CAMKMT: variants seen among roughly 807,000 people sequenced by gnomAD.
CAMKMT encodes CaM KMT.
Under a neutral mutation model 48.0 loss-of-function variants are expected in CAMKMT, and 53 were observed. The observed-to-expected ratio is 1.10, with a 90% CI of 0.89 to 1.39. The LOEUF is 1.39. Among genes scored for constraint, CAMKMT ranks in the 40% most tolerant of loss-of-function variants. The probability of loss-of-function intolerance (pLI) is 0.00; values close to 1 mark genes in which losing one functional copy is unlikely to be tolerated. For synonymous variants in CAMKMT, 165 were observed against 152.3 expected (o/e 1.08, Z -0.61); for missense variants, 428 against 402.7 (o/e 1.06, Z -0.54).
intron 3 of CAMKMT, among the ~76,000 whole-genome samples, chr2:44,583,477 T>TAAAACTC (rs1247216548): frequency 6.6e-6 from 1 of 152,108 alleles, no homozygotes; most frequent in Non-Finnish European, 1.5e-5. Context: ...AATCAACACT[T>TAAAACTC]AAAACTCAAT....
intron 3 of CAMKMT, among the ~76,000 whole-genome samples, chr2:44,632,562 T>C (rs1463349937): frequency 4.6e-5 from 7 of 152,198 alleles, no homozygotes; most frequent in Admixed American, 4.6e-4. Flanking sequence ...AAATCCTACA[T>C]ATCTAACAAA....
At chr2:44,498,373 A>C (rs1008132135) in intron 3 of CAMKMT, among the ~76,000 whole-genome samples, 1 of 152,240 alleles carries the variant, frequency 6.6e-6, no homozygotes, top group Non-Finnish European at 1.5e-5. Flanking sequence ...AATTAAAGTA[A>C]AACAAGCTAT....
At chr2:44,452,085 G>C (rs1234735647) in intron 3 of CAMKMT, among the ~76,000 whole-genome samples, 1 of 151,762 alleles carries the variant, frequency 6.6e-6, no homozygotes, top group Non-Finnish European at 1.5e-5. Flanking sequence ...TTTAGCTGGT[G>C]GTTTAAAAAG....
chr2:44,747,811 T>C (rs1679981785), intron 8 of CAMKMT, among the ~76,000 whole-genome samples: 1 of 152,238 alleles, frequency 6.6e-6, no homozygotes. Context: ...TTGGAAAATC[T>C]GTGATTCAGA....
intron 3 of CAMKMT, among the ~76,000 whole-genome samples, chr2:44,573,056 C>G (rs1254107081): frequency 6.6e-6 from 1 of 151,098 alleles, no homozygotes; most frequent in Non-Finnish European, 1.5e-5. Context: ...TAATAGTAAT[C>G]TTTTCATGTG....
chr2:44,395,190 C>A, intron 3 of CAMKMT: 1 of 338,622 alleles, frequency 3.0e-6, no homozygotes, highest in South Asian at 2.3e-5. Context: ...ATTATCAAAG[C>A]TTCAAGAATG....
chr2:44,599,763 C>T (rs926173468), intron 3 of CAMKMT, among the ~76,000 whole-genome samples: 1 of 150,694 alleles, frequency 6.6e-6, no homozygotes, highest in Non-Finnish European at 1.5e-5. Context: ...ATAACCAAGC[C>T]TGGATTGGGC....
At chr2:44,696,282 A>T (rs1270979715) in intron 3 of CAMKMT, among the ~76,000 whole-genome samples, 1 of 152,176 alleles carries the variant, frequency 6.6e-6, no homozygotes, top group Non-Finnish European at 1.5e-5. Context: ...TTTACATAGC[A>T]CTTATATTGG....
At chr2:44,769,446 T>A (rs1021415457) in intron 10 of CAMKMT, among the ~76,000 whole-genome samples, 1 of 152,116 alleles carries the variant, frequency 6.6e-6, no homozygotes, top group African/African-American at 2.4e-5. Context: ...TTCCCTCTCC[T>A]CCCCAGCCTT....
intron 4 of CAMKMT, 120 bp from the exon 5 acceptor site, chr2:44,706,167 A>G (rs576465735): frequency 5.5e-6 from 5 of 914,922 alleles, no homozygotes; most frequent in South Asian, 2.9e-5. Flanking sequence ...TCATGTCTCT[A>G]CAACTTCCTG....
chr2:44,536,327 C>CTT (rs869299336), intron 3 of CAMKMT, among the ~76,000 whole-genome samples: 2 of 142,294 alleles, frequency 1.4e-5, no homozygotes, highest in Non-Finnish European at 1.5e-5. Context: ...AAAATACCAA[C>CTT]TTTTTTTTTT....
intron 3 of CAMKMT, among the ~76,000 whole-genome samples, chr2:44,575,129 G>T (rs1175944532): frequency 1.4e-5 from 2 of 144,348 alleles, no homozygotes; most frequent in South Asian, 4.6e-4. Flanking sequence ...CCCAGGCTGG[G>T]GTGCAGTGGC....
At chr2:44,402,245 C>T (rs992016221) in intron 3 of CAMKMT, among the ~76,000 whole-genome samples, 1 of 147,440 alleles carries the variant, frequency 6.8e-6, no homozygotes, top group African/African-American at 2.5e-5. Context: ...AGAAGAATTG[C>T]TTGAACCCGG....
chr2:44,630,384 A>G (rs954340084), intron 3 of CAMKMT, among the ~76,000 whole-genome samples: 1 of 152,062 alleles, frequency 6.6e-6, no homozygotes, highest in African/African-American at 2.4e-5. Context: ...ACAAAAGCCA[A>G]AATTGACAAA....
chr2:44,503,305 C>G (rs1558661199), intron 3 of CAMKMT, among the ~76,000 whole-genome samples: 1 of 151,946 alleles, frequency 6.6e-6, no homozygotes, highest in Non-Finnish European at 1.5e-5. Context: ...TCATTGCTTG[C>G]AAGAGTGTGA....
chr2:44,436,776 A>G (rs1012603192), intron 3 of CAMKMT, among the ~76,000 whole-genome samples: 3 of 152,174 alleles, frequency 2.0e-5, no homozygotes, highest in Non-Finnish European at 4.4e-5. Flanking sequence ...TATCCATAAT[A>G]GTGACTTTTA....
Position 44,702,846 on chromosome 2 carries a change from C to T in CAMKMT, c.377-1437C>T, listed in dbSNP as rs575893945. ...TCTTTGCTGTTTATATATTTACCCC[C>T]TGAATCTCTTAGGAGTTTACTTAAC... On this transcript the variant is annotated intron_variant, in intron 3 of 10. Coordinates refer to ENST00000378494, the MANE Select transcript of CAMKMT (RefSeq NM_024766.5). Among the ~76,000 whole-genome samples the T allele has an allele frequency of 2.6e-5, 4 of 152,328 alleles. No homozygotes were observed. The South Asian group carries it at 8.3e-4, about 32-fold the overall frequency.
At chr2:44,482,439 A>T (rs958221757) in intron 3 of CAMKMT, among the ~76,000 whole-genome samples, 55 of 152,128 alleles carry the variant, frequency 3.6e-4, no homozygotes, top group Admixed American at 1.8e-3. Context: ...TTGCTATTTT[A>T]GAGTCTTGCT....
intron 3 of CAMKMT, among the ~76,000 whole-genome samples, chr2:44,535,416 A>G (rs985173541): frequency 3.3e-5 from 5 of 152,176 alleles, no homozygotes; most frequent in Non-Finnish European, 7.4e-5. Flanking sequence ...TAACAAAACC[A>G]GTCAAGAACA....
Sources: allele counts gnomAD v4.1 joint callset (sites outside exome capture counted in the v4.1 genomes callset), GRCh38; gene constraint gnomAD v4.1.1; transcripts MANE v1.5; gene names NCBI Gene and HGNC (gene_info 2026-07-23, HGNC 2026-07-21).